ANAPC7: variants seen among roughly 807,000 people sequenced by gnomAD.
ANAPC7 encodes anaphase-promoting complex subunit 7.
ANAPC7 carries 25 observed loss-of-function variants against 63.3 expected under a neutral mutation model. The ratio of observed to expected loss-of-function variants is 0.39; its 90% CI spans 0.29 to 0.55. The LOEUF is 0.55. ANAPC7 is among the 20% of genes least tolerant of loss of function. The pLI, the probability that ANAPC7 is intolerant of heterozygous loss-of-function variation, is 0.57. For synonymous variants in ANAPC7, 241 were observed against 251.7 expected (o/e 0.96, Z 0.40); for missense variants, 516 against 691.7 (o/e 0.75, Z 2.85).
At position 110,403,688 on chromosome 12, in the gene ANAPC7, C is replaced by T. The variant is rs1181779881; in HGVS notation, c.-61G>A. 1 of 1,553,570 alleles carries T rather than the reference C, an allele frequency of 6.4e-7. No homozygotes were observed. Among genetic ancestry groups the T allele is most frequent in the Non-Finnish European group, 8.7e-7 (1 of 1,148,028 alleles). On this transcript the variant is annotated 5_prime_UTR_variant, in exon 1 of 11. Coordinates refer to ENST00000455511, the MANE Select transcript of ANAPC7 (RefSeq NM_016238.3). ...CTGACTCGAAAAGCCGGTAGAGGAT[C>T]CTTAGGGAAGACTCCAAAATGGCGG...
chr12:110,385,284 A>C (rs888478083), intron 6 of ANAPC7, among the ~76,000 whole-genome samples: 1 of 152,284 alleles, frequency 6.6e-6, no homozygotes, highest in African/African-American at 2.4e-5. Context: ...CAAATAAAAA[A>C]TCACTGCCTC....
rs1882980985 is a variant in ANAPC7, at chr12:110,390,181, G to C, written c.409-1558C>G. Among the ~76,000 whole-genome samples the C allele has an allele frequency of 3.3e-5, 5 of 151,634 alleles. No homozygotes were observed. The South Asian group carries it at 1.0e-3, about 32-fold the overall frequency. On this transcript the variant is annotated intron_variant, in intron 3 of 10. Coordinates refer to ENST00000455511, the MANE Select transcript of ANAPC7 (RefSeq NM_016238.3). ...CCTCCTGGGTTCAAGTGATTCTCCTGCCTCAGCCTCCTGAGTAGCTGGGAT... is the reference window on the plus strand; with the variant it reads ...CCTCCTGGGTTCAAGTGATTCTCCTCCCTCAGCCTCCTGAGTAGCTGGGAT...
At chr12:110,375,742 G>T (rs1194233881) in intron 10 of ANAPC7, 4 of 992,560 alleles carry the variant, frequency 4.0e-6, no homozygotes, top group Admixed American at 5.9e-5. Context: ...TGAAAAAGAA[G>T]AATATAAAAT....
Position 110,386,373 on chromosome 12 carries a change from G to C in ANAPC7, c.771C>G (p.Val257=), listed in dbSNP as rs1882452728. The C allele has an allele frequency of 6.2e-7, 1 of 1,614,040 alleles. No homozygotes were observed. The highest frequency in any genetic ancestry group is 8.5e-7 in the Non-Finnish European group (1 of 1,180,008). ...ACATCTGTGCCTGTTCAAACTTGAGGACAGAGTTTTTATTGTCTCCAGCTC... is the reference window on the plus strand; with the variant it reads ...ACATCTGTGCCTGTTCAAACTTGAGCACAGAGTTTTTATTGTCTCCAGCTC... ...YFRAGDNKNS[V]LKFEQAQMLD... The change falls in exon 6 of 11, where the codon GTC becomes GTG. Residue 257 remains valine (V), a synonymous_variant. Coordinates refer to ENST00000455511, the MANE Select transcript of ANAPC7 (RefSeq NM_016238.3).
intron 1 of ANAPC7, 73 bp downstream of exon 1, chr12:110,403,454 G>C: frequency 6.7e-7 from 1 of 1,494,230 alleles, no homozygotes; most frequent in Admixed American, 2.0e-5. Flanking sequence ...CTGTTCCCAC[G>C]TGCCCTGAGC....
At chr12:110,384,110 G>C (rs948151471) in intron 6 of ANAPC7, among the ~76,000 whole-genome samples, 2 of 151,842 alleles carry the variant, frequency 1.3e-5, no homozygotes, top group Admixed American at 1.3e-4. Context: ...GCTGAGGCAG[G>C]AGAATTGCTT....
chr12:110,394,955 C>T (rs1047362028), intron 3 of ANAPC7, 146 bp downstream of exon 3: 11 of 900,270 alleles, frequency 1.2e-5, no homozygotes, highest in Non-Finnish European at 1.8e-5. Context: ...CAGGGTCCCC[C>T]ACCCCCACTC....
At chr12:110,381,626 C>T (rs1044110607) in intron 8 of ANAPC7, 126 bp downstream of exon 8, 10 of 954,428 alleles carry the variant, frequency 1.0e-5, no homozygotes, top group East Asian at 2.6e-5. Context: ...TGAGCCACCA[C>T]GTCCGGCCAG....
At chr12:110,375,569 G>A (rs1475317911) in intron 10 of ANAPC7, 10 of 802,990 alleles carry the variant, frequency 1.2e-5, no homozygotes, top group African/African-American at 3.7e-5. Context: ...ACCCTCATTC[G>A]ATCATTTAAT....
At chr12:110,376,242 T>G (rs1269429001) in intron 9 of ANAPC7, 26 bp from the exon 10 acceptor site, 1 of 1,611,600 alleles carries the variant, frequency 6.2e-7, no homozygotes, top group Non-Finnish European at 8.5e-7. Flanking sequence ...AGACCCTCAC[T>G]TAAGTCATGT....
rs1390580803 is a variant in ANAPC7, at chr12:110,386,344, T to C, written c.800A>G (p.Asp267Gly). 2 of 1,613,982 alleles carry C rather than the reference T, an allele frequency of 1.2e-6. No homozygotes were observed. The highest frequency in any genetic ancestry group is 2.2e-5 in the East Asian group (1 of 44,878). The change falls in exon 6 of 11, where the codon GAT (aspartate) becomes GGT (glycine). Residue 267 changes from aspartate (D) to glycine (G), a missense_variant. Asp to Gly is a moderately conservative substitution (Grantham distance 94, BLOSUM62 -1). Coordinates refer to ENST00000455511, the MANE Select transcript of ANAPC7 (RefSeq NM_016238.3). ...VLKFEQAQML[D>G]PYLIKGMDVY... is the part of the protein sequence containing the mutation. ...TTACTTACCTTTTATCAGATAAGGA[T>C]CCAACATCTGTGCCTGTTCAAACTT...
At chr12:110,388,462 C>T (rs79239201) in intron 4 of ANAPC7, 50 bp downstream of exon 4, 42,716 of 1,425,990 alleles carry the variant, frequency 0.03, 813 homozygotes, top group Non-Finnish European at 0.037. Context: ...TTGAGAACTA[C>T]TATCTTTGAC....
intron 1 of ANAPC7, among the ~76,000 whole-genome samples, chr12:110,397,568 A>C (rs1391853473): frequency 6.6e-6 from 1 of 151,678 alleles, no homozygotes; most frequent in Non-Finnish European, 1.5e-5. Context: ...AAAAAAAAAA[A>C]AAAACACTAA....
At chr12:110,402,204 CAAAT>C (rs1482857622) in intron 1 of ANAPC7, among the ~76,000 whole-genome samples, 1 of 151,918 alleles carries the variant, frequency 6.6e-6, no homozygotes, top group Non-Finnish European at 1.5e-5. Context: ...CAAATAAAAA[CAAAT>C]AACAGAATAG....
At chr12:110,395,262 CAAT>C (rs778571694) in intron 2 of ANAPC7, 42 bp from the exon 3 acceptor site, 16 of 1,568,786 alleles carry the variant, frequency 1.0e-5, no homozygotes, top group Non-Finnish European at 1.2e-5. Context: ...GTTATTCCAA[CAAT>C]ATGACAGTTC....
intron 1 of ANAPC7, among the ~76,000 whole-genome samples, chr12:110,398,805 C>T (rs538968339): frequency 1.6e-4 from 24 of 151,888 alleles, no homozygotes; most frequent in Non-Finnish European, 3.2e-4. Context: ...ATTAGCCTGG[C>T]GTGGTGGCAC....
intron 1 of ANAPC7, among the ~76,000 whole-genome samples, chr12:110,399,501 C>T (rs867446766): frequency 3.3e-5 from 5 of 150,660 alleles, no homozygotes; most frequent in East Asian, 1.9e-4. Context: ...TTAGTGTTTG[C>T]GGGAGGAAGG....
At chr12:110,376,510 A>C (rs1017882612) in intron 9 of ANAPC7, among the ~76,000 whole-genome samples, 2 of 132,460 alleles carry the variant, frequency 1.5e-5, no homozygotes, top group African/African-American at 5.9e-5. Flanking sequence ...CGGAGCTTGC[A>C]GTGAGCCGTG....
At chr12:110,385,090 C>T (rs933597503) in intron 6 of ANAPC7, among the ~76,000 whole-genome samples, 1 of 152,004 alleles carries the variant, frequency 6.6e-6, no homozygotes, top group Non-Finnish European at 1.5e-5. Flanking sequence ...ATGGTGAAAC[C>T]CCCGTCTCTT....
Sources: gnomAD v4.1 joint callset for allele counts (sites outside exome capture counted in the v4.1 genomes callset) on GRCh38, gnomAD v4.1.1 for gene constraint, MANE v1.5 for transcripts, NCBI Gene and HGNC (gene_info 2026-07-23, HGNC 2026-07-21) for gene names.